The following CSGALNACT1 variants were observed in gnomAD, a reference collection of about 807,000 sequenced individuals.
CSGALNACT1 encodes chondroitin sulfate N-acetylgalactosaminyltransferase 1.
In CSGALNACT1, 52 loss-of-function variants were observed where a neutral mutation model predicts 51.0. The observed-to-expected ratio is 1.02, with a 90% CI of 0.82 to 1.29. The LOEUF is 1.29. CSGALNACT1 is among the 50% of genes most tolerant of loss of function. The pLI is 0.00. For missense variants in CSGALNACT1, 935 were observed against 679.2 expected, an observed-to-expected ratio of 1.38 and a Z score of -4.19; for synonymous variants, 341 against 254.4, an observed-to-expected ratio of 1.34 and a Z score of -3.24.
chr8:19,648,904 C>T lies in CSGALNACT1; in HGVS notation c.-544+33569G>A, dbSNP rs139104889. Among the ~76,000 whole-genome samples, 549 of 152,262 alleles carry T rather than the reference C, an allele frequency of 3.6e-3. 3 individuals carry two copies. The highest frequency in any genetic ancestry group is 0.012 in the African/African-American group (500 of 41,532). ...ACGGAATACAGTAGAGACTTCAGAA[C>T]AAATGCAGTAGCTCTATACCTAATA... On this transcript the variant is annotated intron_variant, in intron 1 of 9. Transcript: ENST00000332246.
chr8:19,755,456 C>CAAAAAAAAAAAAAAAAAAAAAAAA lies in CSGALNACT1; in HGVS notation c.-297+2370_-297+2393dup, dbSNP rs71205945. Among the ~76,000 whole-genome samples the CAAAAAAAAAAAAAAAAAAAAAAAA allele has an allele frequency of 2.6e-3, 193 of 74,518 alleles. 22 individuals are homozygous for CAAAAAAAAAAAAAAAAAAAAAAAA. The highest frequency in any genetic ancestry group is 3.4e-3 in the Non-Finnish European group (135 of 39,932). 48.9% of individuals were successfully genotyped at this position (74,518 alleles called of 152,430 possible). A position where few individuals can be genotyped will look rare whatever the true frequency, so the allele number is the denominator to read the frequency against. Reference sequence around the variant, plus strand: ...GGGGATCCCTAAATGTAAAGAAAGACAAAAAAAAAAAAAAAAAAAAAAAAA... The same window carrying CAAAAAAAAAAAAAAAAAAAAAAAA: ...GGGGATCCCTAAATGTAAAGAAAGACAAAAAAAAAAAAAAAAAAAAAAAAAAAAAAAAAAAAAAAAAAAAAAAAA... On this transcript the variant is annotated intron_variant, in intron 1 of 1. Coordinates refer to the CSGALNACT1 transcript ENST00000517494.
intron 4 of CSGALNACT1, among the ~76,000 whole-genome samples, chr8:19,503,755 C>G (rs898759000): frequency 2.0e-5 from 3 of 151,258 alleles, no homozygotes; most frequent in African/African-American, 7.3e-5. Flanking sequence ...ACATTCTAGA[C>G]ATTTTTACTG....
intron 6 of CSGALNACT1, among the ~76,000 whole-genome samples, chr8:19,421,114 T>C (rs970898492): frequency 3.3e-5 from 5 of 152,228 alleles, no homozygotes; most frequent in African/African-American, 1.2e-4. Context: ...CTCCTACAGA[T>C]AGCTCTGTGA....
At chr8:19,683,136 T>C (rs1302284742), upstream of CSGALNACT1, 3 of 213,250 alleles carry the variant, frequency 1.4e-5, no homozygotes, top group Non-Finnish European at 2.9e-5. Flanking sequence ...GTGTTAGGAT[T>C]TGATCTGTGC....
intron 4 of CSGALNACT1, among the ~76,000 whole-genome samples, chr8:19,485,747 C>T (rs2072724609): frequency 1.6e-5 from 2 of 124,758 alleles, no homozygotes; most frequent in Admixed American, 8.1e-5. Context: ...GTCTCACTGC[C>T]ACCTCAGCTT....
At chr8:19,595,744 G>C (rs947948704) in intron 2 of CSGALNACT1, among the ~76,000 whole-genome samples, 3 of 151,852 alleles carry the variant, frequency 2.0e-5, no homozygotes, top group Non-Finnish European at 4.4e-5. Flanking sequence ...GTTTCCAGAG[G>C]TTATAATTCT....
At chr8:19,514,863 C>A (rs1030783955) in intron 3 of CSGALNACT1, among the ~76,000 whole-genome samples, 1 of 151,890 alleles carries the variant, frequency 6.6e-6, no homozygotes. Flanking sequence ...ATATTAAATA[C>A]AAGCTTTATA....
intron 4 of CSGALNACT1, among the ~76,000 whole-genome samples, chr8:19,489,318 A>G (rs145648677): frequency 2.0e-3 from 304 of 152,318 alleles, no homozygotes; most frequent in Non-Finnish European, 3.5e-3. Context: ...ATGTTTATCA[A>G]CCACCAATTA....
At chr8:19,639,272 G>A (rs1173875895) in intron 1 of CSGALNACT1, among the ~76,000 whole-genome samples, 1 of 152,198 alleles carries the variant, frequency 6.6e-6, no homozygotes, top group East Asian at 1.9e-4. Context: ...GCTTGCCCTT[G>A]GTTAAGAAGG....
At chr8:19,524,122 C>T (rs2081229905) in intron 3 of CSGALNACT1, among the ~76,000 whole-genome samples, 1 of 152,080 alleles carries the variant, frequency 6.6e-6, no homozygotes, top group South Asian at 2.1e-4. Context: ...AGCAAGACCC[C>T]ATCTCTAAAA....
At chr8:19,425,363 A>G (rs555935040) in intron 6 of CSGALNACT1, among the ~76,000 whole-genome samples, 10 of 151,960 alleles carry the variant, frequency 6.6e-5, no homozygotes, top group African/African-American at 2.4e-4. Context: ...AAACCAAAAA[A>G]CCATTTTCCT....
At chr8:19,486,139 A>C (rs954465692) in intron 4 of CSGALNACT1, among the ~76,000 whole-genome samples, 18 of 151,386 alleles carry the variant, frequency 1.2e-4, no homozygotes, top group Admixed American at 6.6e-5. Context: ...AAAAAAAAAC[A>C]AAAAAAACAG....
At chr8:19,657,722 T>C (rs889337223) in intron 1 of CSGALNACT1, among the ~76,000 whole-genome samples, 12 of 152,176 alleles carry the variant, frequency 7.9e-5, no homozygotes, top group Non-Finnish European at 2.9e-5. Context: ...CTAGACAGTG[T>C]TGTAAGACCC....
At chr8:19,621,504 G>C (rs1369835099) in intron 1 of CSGALNACT1, among the ~76,000 whole-genome samples, 2 of 152,092 alleles carry the variant, frequency 1.3e-5, no homozygotes, top group African/African-American at 2.4e-5. Flanking sequence ...ATAATGTCCA[G>C]GCACAGTGGC....
chr8:19,676,519 G>C (rs140054521), intron 1 of CSGALNACT1, among the ~76,000 whole-genome samples: 311 of 152,290 alleles, frequency 2.0e-3, no homozygotes, highest in African/African-American at 7.1e-3. Flanking sequence ...TATTCTATCT[G>C]AAGAACAAAG....
At chr8:19,752,701 A>G (rs2065117491) in intron 1 of CSGALNACT1, among the ~76,000 whole-genome samples, 1 of 152,016 alleles carries the variant, frequency 6.6e-6, no homozygotes, top group East Asian at 1.9e-4. Flanking sequence ...CCTCCTCCCC[A>G]TTTCCTGCTT....
chr8:19,626,677 TCTGA>T (rs1397141291), intron 1 of CSGALNACT1, among the ~76,000 whole-genome samples: 4 of 152,214 alleles, frequency 2.6e-5, no homozygotes, highest in Admixed American at 1.3e-4. Flanking sequence ...AAAATACATG[TCTGA>T]CTAAGGACTT....
At chr8:19,469,184 G>A (rs757843512) in intron 4 of CSGALNACT1, among the ~76,000 whole-genome samples, 7 of 152,160 alleles carry the variant, frequency 4.6e-5, no homozygotes, top group African/African-American at 7.2e-5. Context: ...GAGGCCAAGA[G>A]TTCGAGAGCA....
intron 4 of CSGALNACT1, among the ~76,000 whole-genome samples, chr8:19,492,946 A>G (rs2074674811): frequency 3.9e-5 from 6 of 152,130 alleles, no homozygotes. Flanking sequence ...TCGCCTGTCC[A>G]GTGTATGGCA....
Sources: gnomAD v4.1 joint callset for allele counts (sites outside exome capture counted in the v4.1 genomes callset) on GRCh38, gnomAD v4.1.1 for gene constraint, MANE v1.5 for transcripts, NCBI Gene and HGNC (gene_info 2026-07-23, HGNC 2026-07-21) for gene names.